Variants in PABPN1L observed in about 807,000 individuals in gnomAD.
PABPN1L encodes the protein PABPN1 like, cytoplasmic.
A neutral mutation model predicts 34.0 loss-of-function variants in PABPN1L; 45 were observed. The ratio of observed to expected loss-of-function variants is 1.32; its 90% CI spans 1.04 to 1.70. PABPN1L has a LOEUF of 1.70. PABPN1L is among the 40% of genes most tolerant of loss of function. The probability of loss-of-function intolerance (pLI) is 0.00; values close to 1 mark genes in which losing one functional copy is unlikely to be tolerated. For missense variants in PABPN1L, 459 were observed against 367.8 expected, an observed-to-expected ratio of 1.25 and a Z score of -2.03; for synonymous variants, 182 against 152.1, an observed-to-expected ratio of 1.20 and a Z score of -1.45.
In PABPN1L at chr16:88,863,814, C is replaced by T. The variant is rs926037905; in HGVS notation, c.798-19G>A. Reference sequence around the variant, plus strand: ...ACGGGCCCTGCACGGAGAGAGAACACACACTGAGTGGCCTTCCAGAGGAGA... The same window carrying T: ...ACGGGCCCTGCACGGAGAGAGAACATACACTGAGTGGCCTTCCAGAGGAGA... On this transcript the variant is annotated intron_variant, in intron 6 of 6. Transcript: ENST00000419291. 48 of 1,534,808 alleles carry T rather than the reference C, an allele frequency of 3.1e-5. No individual in the cohort carries two copies. Among genetic ancestry groups the T allele is most frequent in the African/African-American group, 6.8e-5 (5 of 73,040 alleles).
intron 5 of PABPN1L, among the ~76,000 whole-genome samples, 161 bp from the exon 6 acceptor site, chr16:88,864,540 G>A (rs143241013): frequency 2.5e-3 from 369 of 147,488 alleles, no homozygotes; most frequent in African/African-American, 8.5e-3. Flanking sequence ...GCTGTCATAT[G>A]ACACCCCGTC....
chr16:88,864,899 G>A lies in PABPN1L; in HGVS notation c.608C>T (p.Ala203Val), dbSNP rs1363033559. ...GAGGCTCTGGTCCAGCTCCACGGCG[G>A]CCTGCACGGAGCCCTTGGTGGCAAA... The change falls in exon 5 of 7, where the codon GCC becomes GTC. Residue 203 changes from alanine (A) to valine (V), a missense_variant. Physicochemically the swap from Ala to Val is moderately conservative, Grantham distance 64 (BLOSUM62 0). Transcript: ENST00000419291. 3.2e-6 allele frequency: 5 copies of A among 1,546,578 alleles called. No individual in the cohort carries two copies. Among genetic ancestry groups the A allele is most frequent in the African/African-American group, 1.4e-5 (1 of 71,060 alleles).
intron 5 of PABPN1L, 144 bp downstream of exon 5, chr16:88,864,709 G>A (rs188780837): frequency 2.2e-5 from 22 of 992,638 alleles, no homozygotes; most frequent in African/African-American, 6.5e-5. Flanking sequence ...CGAGGGTCCC[G>A]CCACATCCTG....
exon 1 of PABPN1L, chr16:88,866,529 C>G: frequency 1.9e-6 from 3 of 1,551,252 alleles, no homozygotes; most frequent in Non-Finnish European, 2.6e-6. Context: ...AGCCCTGGGC[C>G]TCAGGGTCTG....
chr16:88,867,868 C>T (rs1968632969), upstream of PABPN1L, among the ~76,000 whole-genome samples: 1 of 152,162 alleles, frequency 6.6e-6, no homozygotes, highest in African/African-American at 2.4e-5. Context: ...TCATGCATGG[C>T]TCTTACCCCT....
At chr16:88,869,995 G>T (rs1006355573), upstream of PABPN1L, among the ~76,000 whole-genome samples, 1 of 152,240 alleles carries the variant, frequency 6.6e-6, no homozygotes, top group African/African-American at 2.4e-5. Flanking sequence ...GGATCCGTGT[G>T]TGACCCAACA....
intron 2 of PABPN1L, 63 bp downstream of exon 2, chr16:88,865,743 A>C (rs1431269252): frequency 1.3e-6 from 2 of 1,559,612 alleles, no homozygotes; most frequent in Non-Finnish European, 1.7e-6. Flanking sequence ...TGCCAGGCCC[A>C]ACCTTAATGG....
At chr16:88,864,204 G>GC (rs1968524210) in intron 6 of PABPN1L, 33 bp downstream of exon 6, 4 of 1,493,188 alleles carry the variant, frequency 2.7e-6, no homozygotes, top group Non-Finnish European at 3.6e-6. Context: ...CATGGCCCTC[G>GC]CCCCCAGGCT....
At chr16:88,864,120 C>A in intron 6 of PABPN1L, 117 bp downstream of exon 6, 1 of 1,345,878 alleles carries the variant, frequency 7.4e-7, no homozygotes, top group African/African-American at 1.5e-5. Context: ...CTCACCCAGG[C>A]CCCGCCAGGT....
At chr16:88,864,724 G>A in intron 5 of PABPN1L, 129 bp downstream of exon 5, 1 of 1,102,416 alleles carries the variant, frequency 9.1e-7, no homozygotes, top group Non-Finnish European at 1.3e-6. Flanking sequence ...ATCCTGTCCA[G>A]GCCCAGCCAA....
At chr16:88,866,229 G>A (rs568256690) in intron 1 of PABPN1L, 123 bp downstream of exon 1, 3 of 1,410,318 alleles carry the variant, frequency 2.1e-6, no homozygotes, top group East Asian at 2.5e-5. Context: ...GTCCAGGCAG[G>A]TGGGCAATGG....
exon 4 of PABPN1L, chr16:88,865,039 G>A (rs927739644): frequency 1.9e-6 from 3 of 1,600,730 alleles, no homozygotes; most frequent in Non-Finnish European, 2.6e-6. Flanking sequence ...GGTGTCCAGA[G>A]AACTTGTCAC....
exon 6 of PABPN1L, chr16:88,864,259 G>T (rs1410510063): frequency 6.5e-7 from 1 of 1,542,682 alleles, no homozygotes; most frequent in Non-Finnish European, 8.7e-7. Context: ...TGTGGTCTGA[G>T]CCGGGGCCTG....
At chr16:88,866,805 G>A, upstream of PABPN1L, 1 of 715,848 alleles carries the variant, frequency 1.4e-6, no homozygotes, top group Non-Finnish European at 2.2e-6. Context: ...ACTCGGACAG[G>A]TACCTCCAGG....
At position 88,863,995 on chromosome 16, in the gene PABPN1L, T is replaced by A. The variant is rs144104703; in HGVS notation, c.798-200A>T. Among the ~76,000 whole-genome samples the A allele has an allele frequency of 6.3e-3, 952 of 152,286 alleles. 12 individuals are homozygous for A. Among genetic ancestry groups the A allele is most frequent in the African/African-American group, 0.022 (898 of 41,566 alleles). ...GGAAAGGCAGTGCCAGGAGAGCCCC[T>A]TGGGGCAGCTGTAGCCCACCCTGGG... On this transcript the variant is annotated intron_variant, in intron 6 of 6. Coordinates refer to ENST00000419291, the Ensembl canonical transcript of PABPN1L.
rs77252404 is a variant in PABPN1L, at chr16:88,866,568, C to A, written c.39G>T (p.Pro13=). 3.6e-4 allele frequency: 555 copies of A among 1,553,568 alleles called. 4 individuals are homozygous for A. In the African/African-American group the frequency reaches 6.2e-3, roughly 17 times the overall value. ...AGACCGTCTGGAGCCAGGCCTGAGTCGGGGGTGGGAAGAGAGAGCGGCTCG... is the reference window on the plus strand; with the variant it reads ...AGACCGTCTGGAGCCAGGCCTGAGTAGGGGGTGGGAAGAGAGAGCGGCTCG... Residue 13 remains proline (P), a synonymous_variant, in exon 1 of 7, where the codon CCG becomes CCT. Transcript: ENST00000419291.
At chr16:88,866,868 T>C (rs1187961375), upstream of PABPN1L, among the ~76,000 whole-genome samples, 1 of 152,252 alleles carries the variant, frequency 6.6e-6, no homozygotes, top group Non-Finnish European at 1.5e-5. Flanking sequence ...CACCGGTCTC[T>C]TCTGCTTCCG....
At chr16:88,866,739 A>G, upstream of PABPN1L, 1 of 1,282,376 alleles carries the variant, frequency 7.8e-7, no homozygotes, top group Non-Finnish European at 1.0e-6. Flanking sequence ...GCATTTGCAA[A>G]GGCTGAGTGG....
chr16:88,868,536 G>A (rs1471402912), upstream of PABPN1L, among the ~76,000 whole-genome samples: 1 of 152,122 alleles, frequency 6.6e-6, no homozygotes, highest in East Asian at 1.9e-4. Flanking sequence ...AACCCGGGAG[G>A]CAGAGGTTGC....
Sources: allele counts gnomAD v4.1 joint callset (sites outside exome capture counted in the v4.1 genomes callset), GRCh38; gene constraint gnomAD v4.1.1; transcripts MANE v1.5; gene names NCBI Gene and HGNC (gene_info 2026-07-23, HGNC 2026-07-21).